Variants in NSMCE4A observed in about 807,000 individuals in gnomAD.
The protein encoded by NSMCE4A is non-structural maintenance of chromosomes element 4 homolog A.
NSMCE4A carries 40 observed loss-of-function variants against 47.9 expected under a neutral mutation model. The ratio of observed to expected loss-of-function variants is 0.83; its 90% CI spans 0.65 to 1.09. The LOEUF is 1.09. Ranked by LOEUF, NSMCE4A falls within the 50% of genes least tolerant of loss-of-function variation. The pLI is 0.00. For missense variants in NSMCE4A, 500 were observed against 507.0 expected (o/e 0.99, Z 0.13); for synonymous variants, 166 against 178.5 (o/e 0.93, Z 0.56).
rs755170272 is a variant in NSMCE4A at position 121,967,850 on chromosome 10, C to T, written c.502-44G>A. The T allele has an allele frequency of 5.7e-6, 9 of 1,578,890 alleles. No homozygotes were observed. In the South Asian group the frequency reaches 8.2e-5, roughly 14 times the overall value. On this transcript the variant is annotated intron_variant, in intron 3 of 10. Coordinates refer to ENST00000369023, the MANE Select transcript of NSMCE4A (RefSeq NM_017615.3). ...ACAAAAAACCCAGTTAAGCCACATG[C>T]AATCATTTTCCACATCCAATAATCC...
chr10:121,974,783 G>A (rs1166417689), intron 1 of NSMCE4A, 91 bp downstream of exon 1: 4 of 1,203,180 alleles, frequency 3.3e-6, no homozygotes, highest in Non-Finnish European at 4.1e-6. Flanking sequence ...CCTCCGCCCG[G>A]CACCTGCCTC....
intron 5 of NSMCE4A, among the ~76,000 whole-genome samples, chr10:121,964,109 G>GT (rs1952558056): frequency 1.6e-5 from 1 of 62,900 alleles, no homozygotes; most frequent in African/African-American, 5.6e-5. Flanking sequence ...AAAAATTATG[G>GT]TTTAAAAAAA....
chr10:121,974,031 CA>C lies in NSMCE4A; in HGVS notation c.342del (p.Glu115LysfsTer41), dbSNP rs1952768547. Reference protein sequence around the residue: ...LNAGDKLTEVLEEANTLFNEV... With the variant: ...LNAGDKLTEVXEEANTLFNEV... ...TCATTAAACAGAGTGTTAGCCTCTT[CA>C]AGGACCTCTGTTAATTTGTCACCGG... is the stretch of plus-strand genomic sequence containing the variant. On this transcript the variant is annotated frameshift_variant, in exon 2 of 11. Coordinates refer to ENST00000369023, the MANE Select transcript of NSMCE4A (RefSeq NM_017615.3). LOFTEE classifies it high-confidence loss of function. 2 of 1,604,540 alleles carry C rather than the reference CA, an allele frequency of 1.2e-6. No homozygotes were observed. The highest frequency in any genetic ancestry group is 1.7e-6 in the Non-Finnish European group (2 of 1,174,010).
chr10:121,962,385 C>CTCCA (rs1204013736), intron 6 of NSMCE4A, among the ~76,000 whole-genome samples: 3 of 149,752 alleles, frequency 2.0e-5, no homozygotes, highest in Non-Finnish European at 4.4e-5. Context: ...CGCCACTGCA[C>CTCCA]TCCAGCCTGG....
intron 1 of NSMCE4A, 42 bp downstream of exon 1, chr10:121,974,832 G>A: frequency 7.4e-7 from 1 of 1,347,840 alleles, no homozygotes; most frequent in African/African-American, 1.5e-5. Flanking sequence ...GGCGGGGACA[G>A]CGGCCCGTCC....
intron 2 of NSMCE4A, among the ~76,000 whole-genome samples, chr10:121,973,742 C>T (rs562991989): frequency 9.2e-5 from 14 of 152,296 alleles, no homozygotes; most frequent in African/African-American, 3.4e-4. Flanking sequence ...ACACATGTAA[C>T]GTTCTCAAAC....
intron 1 of NSMCE4A, chr10:121,974,638 G>T: frequency 1.9e-6 from 2 of 1,077,226 alleles, no homozygotes; most frequent in Non-Finnish European, 2.2e-6. Context: ...CTGGCCTCCA[G>T]CTTTTCCAGC....
At chr10:121,957,633 A>C (rs1026248570) in intron 10 of NSMCE4A, among the ~76,000 whole-genome samples, 21 of 151,488 alleles carry the variant, frequency 1.4e-4, no homozygotes, top group African/African-American at 5.1e-4. Context: ...ACGGGGTTTC[A>C]CCGTGTTAGC....
chr10:121,961,645 C>T (rs968814654), intron 6 of NSMCE4A, 128 bp from the exon 7 acceptor site: 2 of 563,810 alleles, frequency 3.5e-6, no homozygotes, highest in African/African-American at 2.0e-5. Context: ...TCAATCCAAC[C>T]CTTCTGGAGG....
At chr10:121,963,750 G>GCGT (rs1188693854) in intron 5 of NSMCE4A, among the ~76,000 whole-genome samples, 59 of 152,066 alleles carry the variant, frequency 3.9e-4, no homozygotes, top group Non-Finnish European at 6.0e-4. Flanking sequence ...TGTGGTGACA[G>GCGT]GCGCCTGTAC....
intron 3 of NSMCE4A, among the ~76,000 whole-genome samples, chr10:121,970,728 A>C (rs929576403): frequency 2.6e-5 from 4 of 152,082 alleles, no homozygotes; most frequent in Non-Finnish European, 4.4e-5. Flanking sequence ...TTAAGACAGA[A>C]TGCTACGAGA....
In NSMCE4A at chr10:121,974,356, T is replaced by A. The variant is rs1015860989; in HGVS notation, c.293-275A>T. 5.8e-6 allele frequency: 7 copies of A among 1,201,330 alleles called. No individual in the cohort carries two copies. In the Middle Eastern group the frequency reaches 1.4e-3, roughly 237 times the overall value. 74.4% of individuals were successfully genotyped at this position (1,201,330 alleles called of 1,614,324 possible). On this transcript the variant is annotated intron_variant, in intron 1 of 10. Transcript: ENST00000369023. ...CTGCAGCCTCTGAGTGCTCCATAAC[T>A]GAGTGGTTCTCAAACTTTGCAAGCA...
At chr10:121,971,565 A>G (rs2134782977) in intron 2 of NSMCE4A, among the ~76,000 whole-genome samples, 1 of 152,248 alleles carries the variant, frequency 6.6e-6, no homozygotes, top group South Asian at 2.1e-4. Context: ...CAAAATCTCT[A>G]ATGAAAGCTG....
chr10:121,971,767 G>C lies in NSMCE4A; in HGVS notation c.371-698C>G, dbSNP rs555615869. ...CCACTACATGTAGGGCCCTGTGCTT[G>C]GCATGGTGGTTTGTGAACAGCAATA... is the stretch of plus-strand genomic sequence containing the variant. On this transcript the variant is annotated intron_variant, in intron 2 of 10. Coordinates refer to ENST00000369023, the MANE Select transcript of NSMCE4A (RefSeq NM_017615.3). 3.3e-5 allele frequency among the ~76,000 whole-genome samples: 5 copies of C among 152,316 alleles called. No individual in the cohort carries two copies. The East Asian group carries it at 7.7e-4, about 24-fold the overall frequency.
In NSMCE4A at chr10:121,971,339, G is replaced by C. The variant is rs974874520; in HGVS notation, c.371-270C>G. On this transcript the variant is annotated intron_variant, in intron 2 of 10. Coordinates refer to ENST00000369023, the MANE Select transcript of NSMCE4A (RefSeq NM_017615.3). ...TCCTGGCTAACACGGTGAAACCCCA[G>C]CTCTACTAAAAATACAAAAAATTAG... Among the ~76,000 whole-genome samples, 9 of 151,982 alleles carry C rather than the reference G, an allele frequency of 5.9e-5. No homozygotes were observed. The East Asian group carries it at 7.8e-4, about 13-fold the overall frequency.
At chr10:121,961,896 G>C in intron 6 of NSMCE4A, 1 of 214,924 alleles carries the variant, frequency 4.7e-6, no homozygotes, top group Non-Finnish European at 9.3e-6. Flanking sequence ...TGAGGTCAGG[G>C]GTTCAAGACT....
intron 4 of NSMCE4A, chr10:121,966,380 T>TGGAAGTACTTCATTGTGGAA (rs1226190357): frequency 5.9e-5 from 9 of 152,228 alleles, no homozygotes; most frequent in African/African-American, 2.2e-4. Context: ...TACTTCATTG[T>TGGAAGTACTTCATTGTGGAA]GGCTGGAAAT....
chr10:121,965,354 G>A lies in NSMCE4A; in HGVS notation c.685C>T (p.Pro229Ser). The A allele has an allele frequency of 1.2e-6, 2 of 1,613,682 alleles. No homozygotes were observed. Among genetic ancestry groups the A allele is most frequent in the African/African-American group, 2.7e-5 (2 of 75,010 alleles). ...LGSIYGECPV[P>S]KPRVDRPRKV... ...CTTGGACGATCAACTCGTGGCTTTG[G>A]CACAGGGCACTCTCCGTATATTGAA... The change falls in exon 5 of 11, where the codon CCA becomes TCA. Residue 229 changes from proline to serine, a missense_variant. Transcript: ENST00000369023.
chr10:121,973,590 T>C (rs908739405), intron 2 of NSMCE4A, among the ~76,000 whole-genome samples: 6 of 152,046 alleles, frequency 3.9e-5, no homozygotes, highest in Admixed American at 6.6e-5. Flanking sequence ...CGTGGACCAA[T>C]AGCAGGGAGC....
Sources: gnomAD v4.1 joint callset for allele counts (sites outside exome capture counted in the v4.1 genomes callset) on GRCh38, gnomAD v4.1.1 for gene constraint, MANE v1.5 for transcripts, NCBI Gene and HGNC (gene_info 2026-07-23, HGNC 2026-07-21) for gene names.